USP26: variants seen among roughly 807,000 people sequenced by gnomAD.
USP26 encodes ubiquitin specific peptidase 26.
For synonymous variants in USP26, 236 were observed against 240.6 expected, an observed-to-expected ratio of 0.98 and a Z score of 0.18; for missense variants, 649 against 642.3, an observed-to-expected ratio of 1.01 and a Z score of -0.11.
At chrX:133,033,346 A>T (rs745558244) in intron 5 of USP26, among the ~76,000 whole-genome samples, 2 of 112,175 alleles carry the variant, frequency 1.8e-5, no homozygotes, top group Non-Finnish European at 3.8e-5. Context: ...GAGAAATGCC[A>T]TTATTTTGTC....
Position 133,086,863 on chromosome X carries a change from G to A in USP26, c.-141-3092C>T, listed in dbSNP as rs182592249. 3.1e-5 allele frequency among the ~76,000 whole-genome samples: 3 copies of A among 98,348 alleles called. No homozygotes were observed. In the East Asian group the frequency reaches 9.6e-4, roughly 32 times the overall value. The allele number at this position is 98,348 out of a possible 115,157, so 85.4% of individuals were successfully genotyped here. On this transcript the variant is annotated intron_variant, in intron 4 of 5. Transcript: ENST00000511190. The stretch of plus-strand genomic sequence containing the variant: ...TGGGAGGCGGAGTTTGCAGTGAGCC[G>A]AGATCACACCACTGCACTTCAGTGT...
intron 5 of USP26, among the ~76,000 whole-genome samples, chrX:133,045,511 A>G (rs2067435851): frequency 9.0e-6 from 1 of 111,608 alleles, no homozygotes; most frequent in Non-Finnish European, 1.9e-5. Context: ...GCTACTGCTC[A>G]CTCTTTGGGT....
chrX:133,094,346 C>T (rs1182520043), intron 1 of USP26, among the ~76,000 whole-genome samples: 4 of 110,735 alleles, frequency 3.6e-5, no homozygotes, highest in Non-Finnish European at 7.5e-5. Flanking sequence ...GAAGGATCTA[C>T]TTCCATTTTC....
chrX:133,082,990 T>G (rs555012353), intron 5 of USP26, among the ~76,000 whole-genome samples: 1 of 111,374 alleles, frequency 9.0e-6, no homozygotes, highest in South Asian at 3.8e-4. Context: ...AGGGCAATAT[T>G]TATGTCATTA....
At chrX:133,058,204 C>G (rs1311081440) in intron 5 of USP26, among the ~76,000 whole-genome samples, 1 of 109,162 alleles carries the variant, frequency 9.2e-6, no homozygotes, top group African/African-American at 3.3e-5. Flanking sequence ...TTCATATGGA[C>G]CAGAACCTGT....
At chrX:133,086,553 T>A (rs1341301794) in intron 4 of USP26, among the ~76,000 whole-genome samples, 1 of 110,838 alleles carries the variant, frequency 9.0e-6, no homozygotes, top group African/African-American at 3.3e-5. Context: ...GAGGCTGCAG[T>A]GAGCCATGTT....
chrX:133,068,950 T>A (rs2067521712), intron 5 of USP26, among the ~76,000 whole-genome samples: 1 of 112,438 alleles, frequency 8.9e-6, no homozygotes, highest in East Asian at 2.8e-4. Flanking sequence ...GTGCTTACTG[T>A]AGATTTAAAA....
chrX:133,081,280 T>C (rs1341949242), intron 5 of USP26, among the ~76,000 whole-genome samples: 6 of 112,221 alleles, frequency 5.3e-5, no homozygotes, highest in Non-Finnish European at 1.1e-4. Context: ...AAGATGATGA[T>C]TAACACTACT....
chrX:133,040,010 C>T (rs1418201268), intron 5 of USP26, among the ~76,000 whole-genome samples: 13 of 111,228 alleles, frequency 1.2e-4, no homozygotes, highest in Non-Finnish European at 7.5e-5. Context: ...ACTAAGATTG[C>T]AACTCCTGCT....
intron 5 of USP26, among the ~76,000 whole-genome samples, chrX:133,048,064 A>C (rs2067446509): frequency 1.8e-5 from 2 of 111,439 alleles, no homozygotes; most frequent in Non-Finnish European, 3.8e-5. Context: ...ACCTAATTTT[A>C]ATCAATTCCC....
chrX:133,081,445 C>T (rs1039168227), intron 5 of USP26, among the ~76,000 whole-genome samples: 8 of 109,120 alleles, frequency 7.3e-5, no homozygotes, highest in Admixed American at 3.9e-4. Context: ...TACAGGCATG[C>T]GCCACCACAC....
At chrX:133,057,971 G>A (rs1272156568) in intron 5 of USP26, among the ~76,000 whole-genome samples, 4 of 84,353 alleles carry the variant, frequency 4.7e-5, no homozygotes, top group Non-Finnish European at 6.7e-5. Flanking sequence ...TCCGCCTCCC[G>A]GGTTCACGCT....
At chrX:133,086,085 C>T (rs929772064) in intron 4 of USP26, among the ~76,000 whole-genome samples, 3 of 111,130 alleles carry the variant, frequency 2.7e-5, no homozygotes, top group East Asian at 2.8e-4. Context: ...CACCTGTGAC[C>T]GCTTGAAACA....
At chrX:133,030,100 T>C (rs2067370852) in intron 5 of USP26, among the ~76,000 whole-genome samples, 1 of 112,006 alleles carries the variant, frequency 8.9e-6, no homozygotes, top group Non-Finnish European at 1.9e-5. Context: ...TCAGCATTCC[T>C]CCTCCTTTCT....
At chrX:133,061,794 G>T (rs994985660) in intron 5 of USP26, among the ~76,000 whole-genome samples, 24 of 111,823 alleles carry the variant, frequency 2.1e-4, no homozygotes, top group African/African-American at 6.2e-4. Flanking sequence ...GCAATCCAGA[G>T]ATCAGGAGAT....
Position 133,027,112 on chromosome X carries a change from G to A in USP26, c.1109C>T (p.Ala370Val), listed in dbSNP as rs868250631. 3.3e-6 allele frequency: 4 copies of A among 1,210,090 alleles called. No homozygotes were observed. The highest frequency in any genetic ancestry group is 4.5e-6 in the Non-Finnish European group (4 of 894,170). Residue 370 changes from alanine to valine, a missense_variant, in exon 6 of 6, where the codon GCA becomes GTA. Ala to Val is a moderately conservative substitution (Grantham distance 64). Coordinates refer to ENST00000511190, the MANE Select transcript of USP26 (RefSeq NM_031907.3). The stretch of plus-strand genomic sequence containing the variant: ...ATTGCCATGGAATATCTCTGCAGCT[G>A]CTGAAATGGCCTTTTTAAGATTCAA... ...LLLNLKKAIS[A>V]AAEIFHGNAQ...
intron 5 of USP26, among the ~76,000 whole-genome samples, chrX:133,038,625 T>C (rs1483592603): frequency 8.9e-6 from 1 of 112,059 alleles, no homozygotes; most frequent in African/African-American, 3.2e-5. Context: ...CCTGAAATTT[T>C]CTTTTTTGTT....
chrX:133,089,287 C>T (rs1394052319), intron 4 of USP26, among the ~76,000 whole-genome samples: 1 of 111,656 alleles, frequency 9.0e-6, no homozygotes, highest in Non-Finnish European at 1.9e-5. Context: ...ATTTAATCCT[C>T]CATTTCTTAC....
chrX:133,060,089 A>T (rs1296370542), intron 5 of USP26, among the ~76,000 whole-genome samples: 1 of 112,172 alleles, frequency 8.9e-6, no homozygotes, highest in Non-Finnish European at 1.9e-5. Flanking sequence ...GCATTAATCA[A>T]ACTGGTATTC....
Sources: allele counts gnomAD v4.1 joint callset (sites outside exome capture counted in the v4.1 genomes callset), GRCh38; gene constraint gnomAD v4.1.1; transcripts MANE v1.5; gene names NCBI Gene and HGNC (gene_info 2026-07-23, HGNC 2026-07-21).